Variants in USP53 observed in about 807,000 individuals in gnomAD.
The protein encoded by USP53 is ubiquitin carboxyl-terminal hydrolase 53.
USP53 carries 71 observed loss-of-function variants against 94.9 expected under a neutral mutation model. That is an observed-to-expected ratio of 0.75 (90% CI 0.62 to 0.91). The LOEUF (loss-of-function observed/expected upper bound fraction) is 0.91, where lower values mean the gene tolerates loss of function less well. Ranked by LOEUF, USP53 falls within the 40% of genes least tolerant of loss-of-function variation. USP53 has a pLI of 0.00. For synonymous variants in USP53, 375 were observed against 422.7 expected (o/e 0.89, Z 1.39); for missense variants, 1,173 against 1,281.0 (o/e 0.92, Z 1.29).
chr4:119,216,334 T>C (rs34941495), intron 2 of USP53, among the ~76,000 whole-genome samples: 28,282 of 151,654 alleles, frequency 0.19, 3,331 homozygotes, highest in Non-Finnish European at 0.27. Context: ...TTAGCTGAGA[T>C]TGTGCCGTTG....
intron 17 of USP53, among the ~76,000 whole-genome samples, chr4:119,274,332 G>C (rs1247123884): frequency 1.4e-5 from 2 of 146,334 alleles, no homozygotes; most frequent in African/African-American, 5.1e-5. Context: ...CCACCTATGA[G>C]TGAGAATATG....
intron 3 of USP53, among the ~76,000 whole-genome samples, chr4:119,230,768 G>C (rs1745954948): frequency 6.6e-6 from 1 of 152,156 alleles, no homozygotes; most frequent in South Asian, 2.1e-4. Flanking sequence ...ACTGGAAGTG[G>C]GGAGCCAACG....
intron 6 of USP53, 152 bp from the exon 7 acceptor site, chr4:119,248,596 C>G: frequency 1.2e-6 from 1 of 823,832 alleles, no homozygotes; most frequent in South Asian, 2.0e-5. Context: ...CTTGATGATA[C>G]AAATAATTAA....
At position 119,293,239 on chromosome 4, in the gene USP53, A is replaced by C; in HGVS notation, c.*28A>C. On this transcript the variant is annotated 3_prime_UTR_variant, in exon 19 of 19. Coordinates refer to ENST00000692078, the MANE Select transcript of USP53 (RefSeq NM_001371395.1). ...TGAAAAAGGACTAGACCTGTGTTAC[A>C]TAATAATCTTGGTTCAAGCTGCCCT... The C allele has an allele frequency of 1.3e-6, 2 of 1,538,604 alleles. No individual in the cohort carries two copies. Among genetic ancestry groups the C allele is most frequent in the Middle Eastern group, 1.7e-4 (1 of 5,720 alleles).
In USP53 at chr4:119,248,824, G is replaced by T; in HGVS notation, c.314G>T (p.Ser105Ile). ...SDNIRHALAE[S>I]FKDEQRFQLG... The stretch of plus-strand genomic sequence containing the variant: ...AACATAAGGCATGCTCTTGCAGAAA[G>T]TTTCAAAGATGAGCAGCGATTTCAA... The change falls in exon 7 of 19, where the codon AGT (serine) becomes ATT (isoleucine). Residue 105 changes from serine to isoleucine, a missense_variant. Ser to Ile is a moderately radical substitution (Grantham distance 142, BLOSUM62 -2). Coordinates refer to ENST00000692078, the MANE Select transcript of USP53 (RefSeq NM_001371395.1). 1 of 1,614,142 alleles carries T rather than the reference G, an allele frequency of 6.2e-7. No homozygotes were observed. The highest frequency in any genetic ancestry group is 8.5e-7 in the Non-Finnish European group (1 of 1,180,022).
At chr4:119,235,879 A>G (rs1746676394) in intron 4 of USP53, among the ~76,000 whole-genome samples, 1 of 152,096 alleles carries the variant, frequency 6.6e-6, no homozygotes, top group Non-Finnish European at 1.5e-5. Context: ...ATCCCACATT[A>G]TATATACTTC....
chr4:119,257,939 A>T (rs189140509), intron 9 of USP53, among the ~76,000 whole-genome samples: 175 of 152,334 alleles, frequency 1.1e-3, no homozygotes, highest in African/African-American at 4.0e-3. Flanking sequence ...AATGTTAGAT[A>T]ATAAGAATTA....
intron 3 of USP53, among the ~76,000 whole-genome samples, chr4:119,227,707 A>G (rs1024567784): frequency 6.6e-6 from 1 of 152,216 alleles, no homozygotes; most frequent in African/African-American, 2.4e-5. Context: ...AAAGTTAAAC[A>G]TGCATTTACA....
At chr4:119,252,090 A>G (rs12512517) in intron 7 of USP53, among the ~76,000 whole-genome samples, 41,637 of 152,020 alleles carry the variant, frequency 0.27, 5,974 homozygotes, top group East Asian at 0.38. Context: ...AGCCCACTTG[A>G]TCATGGCGGA....
At chr4:119,263,607 A>G (rs1406364445) in intron 12 of USP53, among the ~76,000 whole-genome samples, 1 of 152,182 alleles carries the variant, frequency 6.6e-6, no homozygotes, top group East Asian at 1.9e-4. Context: ...AGGTAAAACA[A>G]TTCTCAAAAA....
In USP53 at chr4:119,256,522, T is replaced by C. The variant is rs753182721; in HGVS notation, c.568T>C (p.Cys190Arg). The part of the protein sequence containing the change: ...FVRYISTTAL[C>R]NEVERMLERH... ...GCGGTACATTTCTACAACAGCCTTATGGTAAGAACCTATTAAAGCTTAATT... is the reference window on the plus strand; with the variant it reads ...GCGGTACATTTCTACAACAGCCTTACGGTAAGAACCTATTAAAGCTTAATT... The change falls in exon 9 of 19, where the codon TGC becomes CGC. Residue 190 changes from cysteine (C) to arginine (R), a missense_variant and splice_region_variant. Transcript: ENST00000692078. 2.5e-6 allele frequency: 4 copies of C among 1,614,028 alleles called. No individual in the cohort carries two copies. Among genetic ancestry groups the C allele is most frequent in the Non-Finnish European group, 3.4e-6 (4 of 1,179,916 alleles).
In USP53 at chr4:119,291,288, C is replaced by A. The variant is rs1197328843; in HGVS notation, c.2348+27C>A. 4.8e-6 allele frequency: 7 copies of A among 1,470,042 alleles called. 1 individual carries two copies. Among genetic ancestry groups the A allele is most frequent in the East Asian group, 2.3e-5 (1 of 42,972 alleles). The allele number at this position is 1,470,042 out of a possible 1,614,324, so 91.1% of individuals were successfully genotyped here. ...TAACCATATTTTTTTTCCCTAAATA[C>A]ATGTATTATAGGCACGTTGTTTATC... On this transcript the variant is annotated intron_variant, in intron 18 of 18. Transcript: ENST00000692078.
chr4:119,214,717 G>T (rs943495283), intron 2 of USP53, among the ~76,000 whole-genome samples: 3 of 151,830 alleles, frequency 2.0e-5, no homozygotes, highest in Non-Finnish European at 2.9e-5. Flanking sequence ...TTTAAACTGT[G>T]CAGTATCAAG....
At chr4:119,227,361 G>A (rs1056325090) in intron 3 of USP53, among the ~76,000 whole-genome samples, 2 of 150,162 alleles carry the variant, frequency 1.3e-5, no homozygotes, top group Non-Finnish European at 2.9e-5. Flanking sequence ...CTACAGGGCC[G>A]GGCGCTGTGG....
intron 17 of USP53, among the ~76,000 whole-genome samples, chr4:119,287,239 G>A (rs1226345775): frequency 4.0e-5 from 6 of 151,894 alleles, no homozygotes; most frequent in Non-Finnish European, 7.4e-5. Flanking sequence ...TAATCAGAGC[G>A]CTTACAGCAA....
In USP53 at chr4:119,267,296, T is replaced by G. The variant is rs746228283; in HGVS notation, c.973-24T>G. ...TTGATTACAAGGTTTTGTTTTGTCT[T>G]TATTCATTGTGTTTTTTTAAAAGAT... On this transcript the variant is annotated intron_variant, in intron 12 of 18. Coordinates refer to ENST00000692078, the MANE Select transcript of USP53 (RefSeq NM_001371395.1). 13 of 1,607,956 alleles carry G rather than the reference T, an allele frequency of 8.1e-6. No homozygotes were observed. The South Asian group carries it at 1.3e-4, about 16-fold the overall frequency.
At chr4:119,247,463 A>AGCTGCTTCC (rs1748402879) in intron 6 of USP53, among the ~76,000 whole-genome samples, 1 of 152,184 alleles carries the variant, frequency 6.6e-6, no homozygotes, top group African/African-American at 2.4e-5. Context: ...ACCCTAGGTA[A>AGCTGCTTCC]AAGGTAAGCT....
intron 1 of USP53, among the ~76,000 whole-genome samples, chr4:119,213,653 T>TAG (rs1743229801): frequency 8.0e-6 from 1 of 124,404 alleles, no homozygotes; most frequent in African/African-American, 3.3e-5. Context: ...TATATATATA[T>TAG]ATATATATGT....
chr4:119,243,823 G>A (rs147618279), intron 5 of USP53, among the ~76,000 whole-genome samples: 22 of 152,006 alleles, frequency 1.4e-4, no homozygotes, highest in Non-Finnish European at 3.1e-4. Flanking sequence ...TAACATTAGT[G>A]TGATTTTAAT....
Sources: allele counts gnomAD v4.1 joint callset (sites outside exome capture counted in the v4.1 genomes callset), GRCh38; gene constraint gnomAD v4.1.1; transcripts MANE v1.5; gene names NCBI Gene and HGNC (gene_info 2026-07-23, HGNC 2026-07-21).